RIMBP2: variants seen among roughly 807,000 people sequenced by gnomAD.
RIMBP2 encodes the protein RIMS binding protein 2, also known as RIMS-binding protein 2.
RIMBP2 carries 48 observed loss-of-function variants against 118.6 expected under a neutral mutation model. The ratio of observed to expected loss-of-function variants is 0.40; its 90% confidence interval spans 0.32 to 0.51. RIMBP2 has a LOEUF of 0.51. Ranked by LOEUF, RIMBP2 falls within the 20% of genes least tolerant of loss-of-function variation. The pLI is 0.41. For synonymous variants in RIMBP2, 762 were observed against 742.9 expected (o/e 1.03, Z -0.42); for missense variants, 1,551 against 1,768.3 (o/e 0.88, Z 2.20).
At chr12:130,474,108 C>A (rs928582396) in intron 5 of RIMBP2, among the ~76,000 whole-genome samples, 1 of 152,168 alleles carries the variant, frequency 6.6e-6, no homozygotes, top group Non-Finnish European at 1.5e-5. Flanking sequence ...AGCAACGGAG[C>A]GCAGCCGGAC....
intron 17 of RIMBP2, among the ~76,000 whole-genome samples, chr12:130,415,761 A>G (rs1031723060): frequency 6.6e-6 from 1 of 152,200 alleles, no homozygotes; most frequent in South Asian, 2.1e-4. Context: ...AAGAAGTCAA[A>G]TTATCTCTCT....
chr12:130,688,369 C>T lies in RIMBP2; in HGVS notation c.-352+27853G>A, dbSNP rs1371643403. 6.6e-6 allele frequency among the ~76,000 whole-genome samples: 1 copy of T among 152,224 alleles called. No individual in the cohort carries two copies. The highest frequency in any genetic ancestry group is 1.9e-4 in the East Asian group (1 of 5,190). On this transcript the variant is annotated intron_variant, in intron 1 of 22. Transcript: ENST00000690449. This position sits in a 1 kb window ranked among gnomAD's most constrained non-coding sequence, Gnocchi z 4.7. ...CCGGTCTCAGGGAGCCACAGGAACA[C>T]TCTAGAACACTCTGGAACACTCTGG...
In RIMBP2 at chr12:130,442,724, G is replaced by A; in HGVS notation, c.692-64C>T. 7.3e-7 allele frequency: 1 copy of A among 1,371,522 alleles called. No homozygotes were observed. The highest frequency in any genetic ancestry group is 1.0e-6 in the Non-Finnish European group (1 of 991,902). 85.0% of individuals were successfully genotyped at this position (1,371,522 alleles called of 1,614,324 possible). On this transcript the variant is annotated intron_variant, in intron 10 of 22. Transcript: ENST00000690449. This position sits in a 1 kb window ranked among gnomAD's most constrained non-coding sequence, Gnocchi z 6.9. ...CAGCAGGGGCCTCGAGGCCCCCAGT[G>A]TACTCCCACCTCCCCCACCAGGACC...
chr12:130,537,307 C>T (rs1225474542), intron 2 of RIMBP2, among the ~76,000 whole-genome samples: 1 of 152,226 alleles, frequency 6.6e-6, no homozygotes, highest in Non-Finnish European at 1.5e-5. Flanking sequence ...TGCCTTCTGC[C>T]TCTGTAGCTG....
intron 6 of RIMBP2, among the ~76,000 whole-genome samples, chr12:130,467,426 C>A (rs1427099442): frequency 6.6e-6 from 1 of 152,238 alleles, no homozygotes; most frequent in African/African-American, 2.4e-5. Context: ...GGAACTGACT[C>A]AGTGCAAGAG....
At chr12:130,432,591 A>G (rs549411359) in intron 14 of RIMBP2, among the ~76,000 whole-genome samples, 6 of 152,294 alleles carry the variant, frequency 3.9e-5, no homozygotes, top group African/African-American at 1.2e-4. Flanking sequence ...TAGGGTCCTA[A>G]TCCAATAGGA....
At chr12:130,667,682 G>A (rs1028157814) in intron 1 of RIMBP2, 1 of 152,280 alleles carries the variant, frequency 6.6e-6, no homozygotes, top group African/African-American at 2.4e-5. Context: ...TGTGATTAGA[G>A]GTTTGGGGCT....
At position 130,710,471 on chromosome 12, in the gene RIMBP2, C is replaced by T. The variant is rs1036992082; in HGVS notation, c.-352+5751G>A. ...GCACACACACACATACACACACACACGTACACACACACATGTGTGCTCCCC... is the reference window on the plus strand; with the variant it reads ...GCACACACACACATACACACACACATGTACACACACACATGTGTGCTCCCC... On this transcript the variant is annotated intron_variant, in intron 1 of 22. Transcript: ENST00000690449. This position sits in a 1 kb window ranked among gnomAD's most constrained non-coding sequence, Gnocchi z 4.3. Among the ~76,000 whole-genome samples the T allele has an allele frequency of 6.6e-6, 1 of 152,194 alleles. No homozygotes were observed.
At chr12:130,506,542 C>T (rs1174812337) in intron 4 of RIMBP2, 106 bp downstream of exon 4, 11 of 820,530 alleles carry the variant, frequency 1.3e-5, no homozygotes, top group Non-Finnish European at 1.6e-5. Context: ...ATGATGGCTT[C>T]CAAAGGAGCT....
intron 2 of RIMBP2, among the ~76,000 whole-genome samples, chr12:130,615,853 C>T (rs10848161): frequency 2.0e-5 from 3 of 151,868 alleles, no homozygotes; most frequent in South Asian, 4.2e-4. Context: ...TGGTTGGCAC[C>T]GGTTTCAAAC....
rs373151006 is a variant in RIMBP2 at position 130,699,811 on chromosome 12, CA to C, written c.-352+16410del. On this transcript the variant is annotated intron_variant, in intron 1 of 22. Transcript: ENST00000690449. ...ATCCCAGCTACTCGGGAGGCTGAGG[CA>C]GGAGAATCACTTGAACTGGGAGGCA... 5.6e-3 allele frequency among the ~76,000 whole-genome samples: 822 copies of C among 146,962 alleles called. 7 individuals are homozygous for C. Among genetic ancestry groups the C allele is most frequent in the African/African-American group, 0.019 (768 of 40,042 alleles).
At chr12:130,664,185 G>A (rs1302232302) in intron 1 of RIMBP2, among the ~76,000 whole-genome samples, 1 of 151,732 alleles carries the variant, frequency 6.6e-6, no homozygotes, top group African/African-American at 2.4e-5. Flanking sequence ...GGATTAAGCA[G>A]ATAAATATGT....
At position 130,424,202 on chromosome 12, in the gene RIMBP2, G is replaced by A. The variant is rs1013699374; in HGVS notation, c.3069C>T (p.Pro1023=). The change falls in exon 16 of 23, where the codon CCC becomes CCT. Residue 1023 remains proline, a synonymous_variant. Transcript: ENST00000690449. This position sits in a 1 kb window ranked among gnomAD's most constrained non-coding sequence, Gnocchi z 9.8. ...RGVWKKSITM[P]DSRAAAPHAK... ...CGTGGGGGGCAGCTGCCCTACTGTC[G>A]GGCATGGTTATGCTTTTCTTCCAGA... The A allele has an allele frequency of 1.7e-5, 21 of 1,231,914 alleles. No homozygotes were observed. The highest frequency in any genetic ancestry group is 4.7e-5 in the African/African-American group (3 of 64,358). The allele number at this position is 1,231,914 out of a possible 1,614,324, so 76.3% of individuals were successfully genotyped here.
intron 1 of RIMBP2, among the ~76,000 whole-genome samples, chr12:130,655,307 A>T (rs1034730124): frequency 6.6e-6 from 1 of 152,230 alleles, no homozygotes; most frequent in African/African-American, 2.4e-5. Context: ...TTACCTCGTT[A>T]TATACCAACT....
At chr12:130,664,409 A>ACGCACACGCACG (rs1555320857) in intron 1 of RIMBP2, among the ~76,000 whole-genome samples, 5,792 of 97,830 alleles carry the variant, frequency 0.059, 452 homozygotes, top group African/African-American at 0.079. Context: ...GCACGCACGC[A>ACGCACACGCACG]CGCACACACA....
chr12:130,513,529 C>T (rs890625908), intron 3 of RIMBP2, among the ~76,000 whole-genome samples: 3 of 151,920 alleles, frequency 2.0e-5, no homozygotes, highest in Non-Finnish European at 2.9e-5. Flanking sequence ...GGAGCTTTAA[C>T]AGGCACCTCC....
At chr12:130,494,422 C>T (rs1258335628) in intron 4 of RIMBP2, among the ~76,000 whole-genome samples, 2 of 152,002 alleles carry the variant, frequency 1.3e-5, no homozygotes, top group Admixed American at 6.5e-5. Context: ...GCAGATCACC[C>T]GAGGTCAAGA....
At position 130,422,733 on chromosome 12, in the gene RIMBP2, A is replaced by T. The variant is rs1593239058; in HGVS notation, c.3130-172T>A. Reference sequence around the variant, plus strand: ...GGAGAGAACAAAGCCGGGCACCAGCACCCCACTGTCTACTCGGAGCCGCTG... The same window carrying T: ...GGAGAGAACAAAGCCGGGCACCAGCTCCCCACTGTCTACTCGGAGCCGCTG... On this transcript the variant is annotated intron_variant, in intron 16 of 22. Coordinates refer to ENST00000690449, the MANE Select transcript of RIMBP2 (RefSeq NM_001393629.1). This position sits in a 1 kb window ranked among gnomAD's most constrained non-coding sequence, Gnocchi z 5.2. Among the ~76,000 whole-genome samples the T allele has an allele frequency of 6.6e-6, 1 of 152,158 alleles. No individual in the cohort carries two copies. Among genetic ancestry groups the T allele is most frequent in the Admixed American group, 6.5e-5 (1 of 15,274 alleles).
intron 4 of RIMBP2, among the ~76,000 whole-genome samples, chr12:130,482,563 C>T (rs2082103308): frequency 6.6e-6 from 1 of 152,242 alleles, no homozygotes. Context: ...AGCCAGATTC[C>T]ACCAGGAGAA....
Sources: allele counts gnomAD v4.1 joint callset (sites outside exome capture counted in the v4.1 genomes callset), GRCh38; gene constraint gnomAD v4.1.1; non-coding constraint Gnocchi (gnomAD v3.1); transcripts MANE v1.5; gene names NCBI Gene and HGNC (gene_info 2026-07-23, HGNC 2026-07-21).